The following CRACD variants were observed in gnomAD, a reference collection of about 807,000 sequenced individuals.
CRACD encodes capping protein inhibiting regulator of actin dynamics, also known as capping protein-inhibiting regulator of actin dynamics.
CRACD carries 56 observed loss-of-function variants against 106.8 expected under a neutral mutation model. The ratio of observed to expected loss-of-function variants is 0.52; its 90% CI spans 0.42 to 0.66. The LOEUF is 0.66. Ranked by LOEUF, CRACD falls within the 30% of genes least tolerant of loss-of-function variation. The pLI is 0.00. For missense variants in CRACD, 1,730 were observed against 1,623.2 expected, an observed-to-expected ratio of 1.07 and a Z score of -1.13; for synonymous variants, 754 against 670.8, an observed-to-expected ratio of 1.12 and a Z score of -1.92.
intron 2 of CRACD, among the ~76,000 whole-genome samples, chr4:56,225,224 C>T (rs1449343414): frequency 2.0e-5 from 3 of 152,132 alleles, no homozygotes; most frequent in African/African-American, 7.2e-5. Context: ...CCCGGAGTAG[C>T]TGGGATTATA....
chr4:56,198,293 A>G (rs1166136062), intron 2 of CRACD, among the ~76,000 whole-genome samples: 1 of 152,222 alleles, frequency 6.6e-6, no homozygotes, highest in African/African-American at 2.4e-5. Context: ...ATGAACTTCA[A>G]AAAGAAGAGA....
chr4:56,226,182 T>G (rs897615513), intron 2 of CRACD, among the ~76,000 whole-genome samples: 1 of 152,196 alleles, frequency 6.6e-6, no homozygotes, highest in East Asian at 1.9e-4. Context: ...CATGCCTTAA[T>G]CATCATTGAA....
At chr4:56,076,392 G>C (rs1486011204) in intron 1 of CRACD, among the ~76,000 whole-genome samples, 1 of 152,206 alleles carries the variant, frequency 6.6e-6, no homozygotes, top group African/African-American at 2.4e-5. Context: ...CACTGAAGTA[G>C]AGTAACTACC....
intron 3 of CRACD, among the ~76,000 whole-genome samples, chr4:56,285,740 A>T (rs1743298712): frequency 6.6e-6 from 1 of 152,170 alleles, no homozygotes; most frequent in Non-Finnish European, 1.5e-5. Context: ...AGCACTGCTT[A>T]CACCATTCTT....
intron 2 of CRACD, among the ~76,000 whole-genome samples, chr4:56,219,700 A>G (rs1044957773): frequency 1.3e-5 from 2 of 152,208 alleles, no homozygotes; most frequent in Non-Finnish European, 2.9e-5. Context: ...TATGCAACTC[A>G]TGTGATCTTG....
At chr4:56,121,893 A>G (rs1734496760) in intron 1 of CRACD, among the ~76,000 whole-genome samples, 1 of 152,250 alleles carries the variant, frequency 6.6e-6, no homozygotes, top group Non-Finnish European at 1.5e-5. Context: ...GCAATTGTTT[A>G]GAACCTAGAC....
chr4:56,153,568 G>A (rs557230042), intron 1 of CRACD, among the ~76,000 whole-genome samples: 33 of 146,648 alleles, frequency 2.3e-4, no homozygotes, highest in East Asian at 1.4e-3. Flanking sequence ...CACCACTCTC[G>A]CTTCATCTAG....
At chr4:56,070,891 C>G (rs867472502) in intron 1 of CRACD, among the ~76,000 whole-genome samples, 22 of 12,626 alleles carry the variant, frequency 1.7e-3, no homozygotes, top group African/African-American at 2.6e-3. Context: ...GTGTGTGTGT[C>G]CACAGGCAGG....
chr4:56,248,094 A>G (rs1007208450), intron 2 of CRACD, among the ~76,000 whole-genome samples: 15 of 152,180 alleles, frequency 9.9e-5, no homozygotes, highest in Non-Finnish European at 2.9e-5. Context: ...ACTAGAGAAT[A>G]CTCAGCTTAT....
At chr4:56,058,986 A>G (rs1732178113) in intron 1 of CRACD, among the ~76,000 whole-genome samples, 1 of 152,212 alleles carries the variant, frequency 6.6e-6, no homozygotes, top group African/African-American at 2.4e-5. Flanking sequence ...ATGTTGGTTT[A>G]TAAAAATATT....
chr4:56,071,478 G>C (rs1732643666), intron 1 of CRACD, among the ~76,000 whole-genome samples: 1 of 150,596 alleles, frequency 6.6e-6, no homozygotes, highest in South Asian at 2.1e-4. Flanking sequence ...AACAATTGCT[G>C]TTAGCACAGG....
chr4:56,093,305 C>T (rs896076234), intron 1 of CRACD, among the ~76,000 whole-genome samples: 1 of 152,146 alleles, frequency 6.6e-6, no homozygotes, highest in Non-Finnish European at 1.5e-5. Flanking sequence ...ATGTTAAGTC[C>T]TGCCTCCTGT....
chr4:56,202,556 T>A (rs1371149580), intron 2 of CRACD, among the ~76,000 whole-genome samples: 1 of 152,170 alleles, frequency 6.6e-6, no homozygotes, highest in Non-Finnish European at 1.5e-5. Flanking sequence ...ATCAGCAACA[T>A]TCTTAAGCTT....
At chr4:56,308,811 C>G in intron 5 of CRACD, 1 of 1,277,992 alleles carries the variant, frequency 7.8e-7, no homozygotes, top group African/African-American at 1.5e-5. Flanking sequence ...GCAGAAGCAA[C>G]AGCCATCGCC....
intron 1 of CRACD, among the ~76,000 whole-genome samples, chr4:56,102,756 T>C (rs1273155662): frequency 6.6e-6 from 1 of 152,220 alleles, no homozygotes; most frequent in African/African-American, 2.4e-5. Flanking sequence ...CCCCTCCTGC[T>C]CTTCACACTC....
chr4:56,134,337 A>T (rs1442837506), intron 1 of CRACD, among the ~76,000 whole-genome samples: 2 of 152,190 alleles, frequency 1.3e-5, no homozygotes, highest in Admixed American at 1.3e-4. Context: ...GGAGATTAAA[A>T]TGTATTATCA....
chr4:56,049,837 G>A (rs936395563), intron 1 of CRACD: 1 of 152,258 alleles, frequency 6.6e-6, no homozygotes, highest in Non-Finnish European at 1.5e-5. Flanking sequence ...GCAAGACAAA[G>A]GTTTCCCCTG....
intron 4 of CRACD, among the ~76,000 whole-genome samples, chr4:56,305,678 G>A (rs1744649187): frequency 6.6e-6 from 1 of 152,206 alleles, no homozygotes; most frequent in Admixed American, 6.5e-5. Flanking sequence ...TGTCCTGTGA[G>A]GCTGGGAGAG....
intron 2 of CRACD, among the ~76,000 whole-genome samples, chr4:56,249,342 T>C (rs1254813803): frequency 6.8e-6 from 1 of 147,860 alleles, no homozygotes; most frequent in Non-Finnish European, 1.5e-5. Context: ...TGAGCATTTT[T>C]TCATGTGTTT....
Sources: allele counts gnomAD v4.1 joint callset (sites outside exome capture counted in the v4.1 genomes callset), GRCh38; gene constraint gnomAD v4.1.1; transcripts MANE v1.5; gene names NCBI Gene and HGNC (gene_info 2026-07-23, HGNC 2026-07-21).